The following CNTN5 variants were observed in gnomAD, a reference collection of about 807,000 sequenced individuals.
CNTN5 encodes the protein contactin 5, also known as contactin-5.
Under a neutral mutation model 129.1 loss-of-function variants are expected in CNTN5, and 77 were observed. The observed-to-expected ratio is 0.60, with a 90% CI of 0.50 to 0.72. The LOEUF (loss-of-function observed/expected upper bound fraction) is 0.72. Ranked by LOEUF, CNTN5 falls within the 30% of genes least tolerant of loss-of-function variation. The pLI is 0.00. For missense variants in CNTN5, 1,478 were observed against 1,328.8 expected (o/e 1.11, Z -1.75); for synonymous variants, 509 against 465.6 (o/e 1.09, Z -1.20).
chr11:100,324,537 G>A (rs1951753517), intron 21 of CNTN5, among the ~76,000 whole-genome samples: 1 of 151,994 alleles, frequency 6.6e-6, no homozygotes, highest in Non-Finnish European at 1.5e-5. Context: ...ACATATTCAA[G>A]TACATCAGTT....
chr11:99,115,202 A>G (rs1413039336), intron 1 of CNTN5, among the ~76,000 whole-genome samples: 2 of 152,192 alleles, frequency 1.3e-5, no homozygotes, highest in Non-Finnish European at 2.9e-5. Context: ...GAAGTAAGAA[A>G]GACCGGGGCT....
intron 3 of CNTN5, among the ~76,000 whole-genome samples, chr11:99,724,687 C>CT (rs1174802587): frequency 2.6e-5 from 4 of 152,058 alleles, no homozygotes; most frequent in African/African-American, 4.8e-5. Flanking sequence ...GAGATACTAC[C>CT]TTTTAGTTAT....
chr11:99,109,250 CAAAG>C (rs778243399), intron 1 of CNTN5, among the ~76,000 whole-genome samples: 118 of 151,484 alleles, frequency 7.8e-4, no homozygotes, highest in Non-Finnish European at 1.4e-3. Context: ...CTCCTAGAGA[CAAAG>C]AAATACATTT....
At position 100,224,696 on chromosome 11, in the gene CNTN5, C is replaced by A; in HGVS notation, c.1889C>A (p.Ala630Glu). ...GGCACTTCATCCCTCTTTCAGCAAG[C>A]ATCCTCTGCAGATTTAATGATCAGG... is the stretch of plus-strand genomic sequence containing the variant. ...GGHFESIRAQ[A>E]SSADLMIRNI... is the part of the protein sequence containing the mutation. The change falls in exon 16 of 25, where the codon GCA becomes GAA. Residue 630 changes from alanine to glutamate, a missense_variant. By Grantham distance (107) the Ala-to-Glu change is moderately radical. Transcript: ENST00000524871. The A allele has an allele frequency of 6.2e-7, 1 of 1,610,498 alleles. No homozygotes were observed. The highest frequency in any genetic ancestry group is 8.5e-7 in the Non-Finnish European group (1 of 1,177,344).
intron 16 of CNTN5, among the ~76,000 whole-genome samples, chr11:100,236,132 T>A (rs902352767): frequency 6.6e-6 from 1 of 152,188 alleles, no homozygotes; most frequent in African/African-American, 2.4e-5. Context: ...TCAGGGAACA[T>A]CACGTGCACG....
intron 3 of CNTN5, among the ~76,000 whole-genome samples, chr11:99,709,351 T>C (rs948594860): frequency 1.3e-5 from 2 of 151,814 alleles, no homozygotes; most frequent in Non-Finnish European, 1.5e-5. Flanking sequence ...TAAAATTAGG[T>C]TAAATAATGT....
At chr11:99,613,136 A>G (rs1466241362) in intron 3 of CNTN5, among the ~76,000 whole-genome samples, 2 of 152,178 alleles carry the variant, frequency 1.3e-5, no homozygotes, top group Non-Finnish European at 2.9e-5. Flanking sequence ...AAGGAGGATG[A>G]TATGGTTAGG....
intron 1 of CNTN5, among the ~76,000 whole-genome samples, chr11:99,295,606 G>T (rs1864347907): frequency 6.6e-6 from 1 of 152,176 alleles, no homozygotes; most frequent in African/African-American, 2.4e-5. Flanking sequence ...GCCGGGCGCG[G>T]TGGCTCACGC....
At chr11:99,273,367 A>G (rs1024662625) in intron 1 of CNTN5, among the ~76,000 whole-genome samples, 7 of 151,850 alleles carry the variant, frequency 4.6e-5, no homozygotes, top group Non-Finnish European at 2.9e-5. Flanking sequence ...ACAAAATGTT[A>G]AATGTCGTTC....
chr11:99,551,998 C>T (rs1467550800), intron 2 of CNTN5, among the ~76,000 whole-genome samples: 1 of 151,066 alleles, frequency 6.6e-6, no homozygotes, highest in Non-Finnish European at 1.5e-5. Flanking sequence ...ACCTCTGTCT[C>T]CCTGGTTCAA....
chr11:99,755,935 TA>T (rs927640345), intron 3 of CNTN5, among the ~76,000 whole-genome samples: 1 of 152,114 alleles, frequency 6.6e-6, no homozygotes. Context: ...CTTTTGCTTT[TA>T]AAAAGATTTT....
In CNTN5 at chr11:99,942,787, C is replaced by T. The variant is rs1017383619; in HGVS notation, c.674-14019C>T. Among the ~76,000 whole-genome samples the T allele has an allele frequency of 5.6e-4, 85 of 152,026 alleles. 1 individual carries two copies. Among genetic ancestry groups the T allele is most frequent in the African/African-American group, 2.0e-3 (82 of 41,408 alleles). Reference sequence around the variant, plus strand: ...GTGAGAACATGTGGTTTTTGGTTTTCTGTTCCTGTGTTAGAATGCTGAGAA... The same window carrying T: ...GTGAGAACATGTGGTTTTTGGTTTTTTGTTCCTGTGTTAGAATGCTGAGAA... On this transcript the variant is annotated intron_variant, in intron 7 of 24. Coordinates refer to ENST00000524871, the MANE Select transcript of CNTN5 (RefSeq NM_014361.4).
intron 13 of CNTN5, among the ~76,000 whole-genome samples, chr11:100,165,211 T>C (rs1947590236): frequency 6.6e-6 from 1 of 151,798 alleles, no homozygotes; most frequent in African/African-American, 2.4e-5. Context: ...TGAATAATTA[T>C]TAATCTTGTA....
chr11:99,773,096 A>C (rs1389260504), intron 3 of CNTN5, among the ~76,000 whole-genome samples: 8 of 152,120 alleles, frequency 5.3e-5, no homozygotes, highest in African/African-American at 1.9e-4. Flanking sequence ...ATCAGTATTC[A>C]AAAAGACCCT....
chr11:99,326,985 A>G (rs1315971635), intron 2 of CNTN5, among the ~76,000 whole-genome samples: 1 of 152,180 alleles, frequency 6.6e-6, no homozygotes, highest in Non-Finnish European at 1.5e-5. Context: ...ACATCTTGGA[A>G]GCTGTTATTT....
intron 7 of CNTN5, among the ~76,000 whole-genome samples, chr11:99,935,735 TAA>T (rs1389523641): frequency 6.6e-6 from 1 of 152,144 alleles, no homozygotes; most frequent in East Asian, 1.9e-4. Context: ...TGTAACAATA[TAA>T]GTTAGCCTCA....
At chr11:100,338,431 G>GT (rs1485504470) in intron 21 of CNTN5, among the ~76,000 whole-genome samples, 2 of 152,226 alleles carry the variant, frequency 1.3e-5, no homozygotes, top group African/African-American at 4.8e-5. Flanking sequence ...TGGAAAATAT[G>GT]TTTTTGGCTT....
At chr11:99,699,537 C>A (rs776527159) in intron 3 of CNTN5, among the ~76,000 whole-genome samples, 1 of 151,332 alleles carries the variant, frequency 6.6e-6, no homozygotes, top group African/African-American at 2.4e-5. Flanking sequence ...ATAAACAATA[C>A]TCTGATTTTT....
intron 1 of CNTN5, among the ~76,000 whole-genome samples, chr11:99,267,920 GCACACACACACACACACACA>G (rs141288502): frequency 7.1e-6 from 1 of 140,432 alleles, no homozygotes; most frequent in Non-Finnish European, 1.6e-5. Flanking sequence ...ACACACACAC[GCACACACACACACACACACA>G]CACACACACA....
Sources: allele counts gnomAD v4.1 joint callset (sites outside exome capture counted in the v4.1 genomes callset), GRCh38; gene constraint gnomAD v4.1.1; transcripts MANE v1.5; gene names NCBI Gene and HGNC (gene_info 2026-07-23, HGNC 2026-07-21).